IDO2: variants seen among roughly 807,000 people sequenced by gnomAD.
The protein encoded by IDO2 is indoleamine 2,3-dioxygenase 2, also known as indoleamine 2,3-dioxygenase-like 1 protein.
A neutral mutation model predicts 45.1 loss-of-function variants in IDO2; 46 were observed. That is an observed-to-expected ratio of 1.02 (90% CI 0.80 to 1.30). The LOEUF is 1.30. IDO2 is among the 50% of genes most tolerant of loss of function. The probability of loss-of-function intolerance (pLI) is 0.00; values close to 1 mark genes in which losing one functional copy is unlikely to be tolerated. For missense variants in IDO2, 544 were observed against 491.8 expected, an observed-to-expected ratio of 1.11 and a Z score of -1.00; for synonymous variants, 218 against 184.9, an observed-to-expected ratio of 1.18 and a Z score of -1.45.
At chr8:40,005,422 A>G (rs1167447990) in intron 9 of IDO2, 44 bp downstream of exon 9, 5 of 1,280,740 alleles carry the variant, frequency 3.9e-6, no homozygotes, top group Admixed American at 2.0e-5. Context: ...TCTCTGTAGC[A>G]TTGACTGAAT....
At chr8:39,965,872 C>T (rs2340953) in intron 3 of IDO2, among the ~76,000 whole-genome samples, 120,101 of 152,020 alleles carry the variant, frequency 0.79, 48,615 homozygotes, top group Non-Finnish European at 0.87. Context: ...CCAGAAGAAA[C>T]CAACCCTATT....
At chr8:39,982,877 T>C (rs887611040) in intron 5 of IDO2, 107 bp downstream of exon 5, 2 of 726,296 alleles carry the variant, frequency 2.8e-6, no homozygotes, top group Admixed American at 3.1e-5. Flanking sequence ...GCCGTATGGT[T>C]CCAAAGAAGG....
intron 3 of IDO2, among the ~76,000 whole-genome samples, chr8:39,966,510 G>A (rs1486588783): frequency 6.6e-6 from 1 of 152,198 alleles, no homozygotes; most frequent in Non-Finnish European, 1.5e-5. Flanking sequence ...TAGAACCACA[G>A]ATGGAGCTAT....
Position 39,934,693 on chromosome 8 carries a change from GC to G in IDO2, c.-540del, listed in dbSNP as rs1438466600. 2 of 188,646 alleles carry G rather than the reference GC, an allele frequency of 1.1e-5. No homozygotes were observed. The highest frequency in any genetic ancestry group is 2.2e-5 in the Non-Finnish European group (2 of 90,860). 11.7% of individuals were successfully genotyped at this position (188,646 alleles called of 1,614,324 possible). On this transcript the variant is annotated 5_prime_UTR_variant, in exon 1 of 11. The change abolishes the stop of an existing upstream ORF in the 5' untranslated region. Transcript: ENST00000502986. ...TTCATTACTGCTATGTGGAGCAAGG[GC>G]CCAAGCTTTTAAAAACAAGAGCTCA... is the stretch of plus-strand genomic sequence containing the variant.
chr8:39,982,234 GTGTATATATATATATATA>G (rs72442015), intron 4 of IDO2, among the ~76,000 whole-genome samples: 15,696 of 81,930 alleles, frequency 0.19, 1,184 homozygotes, highest in East Asian at 0.36. Flanking sequence ...CTATATATGT[GTGTATATATATATATATA>G]TGTATATATA....
At chr8:40,012,622 C>T (rs1802324643) in intron 9 of IDO2, among the ~76,000 whole-genome samples, 1 of 152,036 alleles carries the variant, frequency 6.6e-6, no homozygotes, top group African/African-American at 2.4e-5. Flanking sequence ...TGTGATTGTT[C>T]AAGACTATGC....
intron 8 of IDO2, among the ~76,000 whole-genome samples, chr8:39,994,381 C>T (rs1171474055): frequency 6.6e-6 from 1 of 151,984 alleles, no homozygotes; most frequent in Non-Finnish European, 1.5e-5. Context: ...CCTCAGCCTC[C>T]CTAGTAGCTG....
chr8:39,943,774 ACAT>A (rs1437542049), intron 1 of IDO2, among the ~76,000 whole-genome samples: 12 of 151,592 alleles, frequency 7.9e-5, no homozygotes, highest in African/African-American at 2.9e-4. Context: ...CCTATAGCTA[ACAT>A]CATACTGAAT....
intron 8 of IDO2, among the ~76,000 whole-genome samples, chr8:39,997,047 G>T (rs536082650): frequency 1.3e-5 from 2 of 152,122 alleles, no homozygotes; most frequent in African/African-American, 4.8e-5. Flanking sequence ...CTTTACAAAA[G>T]AAATCATTTT....
chr8:39,988,010 G>A, intron 7 of IDO2, 40 bp downstream of exon 7: 3 of 1,234,358 alleles, frequency 2.4e-6, no homozygotes, highest in Non-Finnish European at 3.5e-6. Context: ...TTTTAAATGA[G>A]CTTGAGCTTT....
chr8:39,956,995 C>G (rs2543086), intron 2 of IDO2, among the ~76,000 whole-genome samples: 5 of 142,344 alleles, frequency 3.5e-5, no homozygotes, highest in African/African-American at 5.3e-5. Context: ...GTGAACCGAG[C>G]TCACACAAGT....
chr8:39,959,070 T>A (rs565371662), intron 2 of IDO2, among the ~76,000 whole-genome samples: 1 of 152,038 alleles, frequency 6.6e-6, no homozygotes, highest in Non-Finnish European at 1.5e-5. Context: ...TGATTAATAC[T>A]GTTGTGCTAC....
intron 8 of IDO2, among the ~76,000 whole-genome samples, chr8:40,004,263 C>T (rs922190371): frequency 1.2e-4 from 18 of 152,016 alleles, no homozygotes; most frequent in African/African-American, 4.1e-4. Flanking sequence ...CATGAGTCAC[C>T]CAGGCTCATG....
At chr8:39,938,455 C>T (rs1458683706) in intron 1 of IDO2, among the ~76,000 whole-genome samples, 1 of 151,922 alleles carries the variant, frequency 6.6e-6, no homozygotes, top group Non-Finnish European at 1.5e-5. Flanking sequence ...TACTAATAAA[C>T]TCATTTTAAA....
chr8:40,013,449 C>A (rs1802337785), intron 9 of IDO2, 116 bp from the exon 10 acceptor site: 2 of 1,053,252 alleles, frequency 1.9e-6, no homozygotes, highest in African/African-American at 1.6e-5. Flanking sequence ...ATCCCTCACC[C>A]TAAAATTACC....
chr8:39,983,516 G>A (rs1471191232), intron 5 of IDO2, among the ~76,000 whole-genome samples: 1 of 152,126 alleles, frequency 6.6e-6, no homozygotes, highest in Non-Finnish European at 1.5e-5. Context: ...GCGATGATGG[G>A]AATCTACTTA....
At chr8:40,015,332 G>C in exon 11 of IDO2, 1 of 1,613,778 alleles carries the variant, frequency 6.2e-7, no homozygotes, top group Non-Finnish European at 8.5e-7. Flanking sequence ...CTTCCCTGAG[G>C]GACTACATCC....
chr8:39,952,476 G>T (rs1170765759), intron 2 of IDO2, among the ~76,000 whole-genome samples: 2 of 152,144 alleles, frequency 1.3e-5, no homozygotes, highest in South Asian at 2.1e-4. Context: ...AAAAAATTCT[G>T]GTTTTGGGAA....
intron 1 of IDO2, among the ~76,000 whole-genome samples, chr8:39,943,935 T>A (rs1368317854): frequency 6.6e-6 from 1 of 152,196 alleles, no homozygotes; most frequent in Non-Finnish European, 1.5e-5. Flanking sequence ...AGAGGTGCTG[T>A]GGCTCAGTCC....
Sources: gnomAD v4.1 joint callset for allele counts (sites outside exome capture counted in the v4.1 genomes callset) on GRCh38, gnomAD v4.1.1 for gene constraint, MANE v1.5 for transcripts, NCBI Gene and HGNC (gene_info 2026-07-23, HGNC 2026-07-21) for gene names.